GPR137: variants seen among roughly 807,000 people sequenced by gnomAD.
GPR137 encodes G protein-coupled receptor 137.
GPR137 carries 20 observed loss-of-function variants against 38.9 expected under a neutral mutation model. The observed-to-expected ratio is 0.51, with a 90% confidence interval of 0.36 to 0.75. The LOEUF is 0.75. Among genes scored for constraint, GPR137 ranks in the 30% least tolerant of loss-of-function variants. The pLI is 0.00. For missense variants in GPR137, 456 were observed against 526.4 expected, an observed-to-expected ratio of 0.87 and a Z score of 1.31; for synonymous variants, 226 against 235.8, an observed-to-expected ratio of 0.96 and a Z score of 0.38.
At chr11:64,276,900 G>T (rs1431281023) in intron 2 of GPR137, 1 of 758,718 alleles carries the variant, frequency 1.3e-6, no homozygotes, top group Non-Finnish European at 2.5e-6. Flanking sequence ...CCCCAGCATG[G>T]CACCTCTAGC....
upstream of GPR137, chr11:64,285,608 G>A (rs1225283831): frequency 1.0e-5 from 10 of 984,082 alleles, no homozygotes; most frequent in African/African-American, 3.5e-5. Flanking sequence ...CCCCATACAA[G>A]TAAAGGCGGG....
upstream of GPR137, chr11:64,284,687 G>T (rs28417526): frequency 1.3e-6 from 2 of 1,535,618 alleles, no homozygotes; most frequent in Middle Eastern, 1.7e-4. Context: ...CCAGCACCCC[G>T]GGCTCCGGGC....
Position 64,288,986 on chromosome 11 carries a change from G to T in GPR137, c.1032-51G>T, listed in dbSNP as rs1480554381. On this transcript the variant is annotated intron_variant, in intron 6 of 6. Transcript: ENST00000438980. This position sits in a 1 kb window ranked among gnomAD's most constrained non-coding sequence, Gnocchi z 5.5. ...CCTGTCTTCCTCCTGCAGCTCTTGT[G>T]ACTGTGGCCCTGGTCACTGTCCTGA... 1.4e-6 allele frequency: 2 copies of T among 1,472,562 alleles called. No individual in the cohort carries two copies. Among genetic ancestry groups the T allele is most frequent in the African/African-American group, 1.4e-5 (1 of 71,282 alleles). 91.2% of individuals were successfully genotyped at this position (1,472,562 alleles called of 1,614,324 possible).
At chr11:64,282,751 C>T (rs770361070), upstream of GPR137, among the ~76,000 whole-genome samples, 8 of 151,996 alleles carry the variant, frequency 5.3e-5, no homozygotes, top group Non-Finnish European at 7.4e-5. Flanking sequence ...TGGTGACACG[C>T]GCCTGTAGTC....
chr11:64,284,958 C>G, upstream of GPR137: 1 of 1,394,596 alleles, frequency 7.2e-7, no homozygotes, highest in African/African-American at 1.5e-5. Context: ...CCACTTCTGC[C>G]AACAAGTCCT....
chr11:64,286,220 A>C lies in GPR137; in HGVS notation c.-305A>C, dbSNP rs1319914739. On this transcript the variant is annotated 5_prime_UTR_variant, in exon 1 of 7. Coordinates refer to ENST00000438980, the MANE Select transcript of GPR137 (RefSeq NM_001170880.2). Reference sequence around the variant, plus strand: ...TCTCCTTGGGCCTCTGCATCCCCCCATCCTTGGCTCTGGGGTAGGCCCAGG... The same window carrying C: ...TCTCCTTGGGCCTCTGCATCCCCCCCTCCTTGGCTCTGGGGTAGGCCCAGG... 11 of 1,174,476 alleles carry C rather than the reference A, an allele frequency of 9.4e-6. No individual in the cohort carries two copies. Among genetic ancestry groups the C allele is most frequent in the Non-Finnish European group, 1.2e-5 (11 of 948,518 alleles). The allele number at this position is 1,174,476 out of a possible 1,614,324, so 72.8% of individuals were successfully genotyped here.
chr11:64,287,686 G>C (rs201762023), intron 2 of GPR137, 35 bp from the exon 3 acceptor site: 68 of 1,599,442 alleles, frequency 4.3e-5, no homozygotes, highest in Non-Finnish European at 5.5e-5. Context: ...GCTGAGGGCT[G>C]TTGAGGGCCC....
Position 64,289,220 on chromosome 11 carries a change from A to G in GPR137, c.*24A>G. 6.2e-7 allele frequency: 1 copy of G among 1,606,686 alleles called. No individual in the cohort carries two copies. The highest frequency in any genetic ancestry group is 1.3e-5 in the African/African-American group (1 of 74,344). ...GATCCCCCTCCCTCCCCCACAGAAT[A>G]CCCAGGCCCCAGTCCCCCTCACCCT... On this transcript the variant is annotated 3_prime_UTR_variant, in exon 7 of 7. Coordinates refer to ENST00000438980, the MANE Select transcript of GPR137 (RefSeq NM_001170880.2).
At chr11:64,284,622 A>C (rs1285111691), upstream of GPR137, 2 of 1,511,940 alleles carry the variant, frequency 1.3e-6, no homozygotes, top group African/African-American at 2.8e-5. Flanking sequence ...GACGGCGCAC[A>C]GGTCTCACCC....
At chr11:64,284,987 A>T (rs112420981), upstream of GPR137, 16,482 of 1,334,248 alleles carry the variant, frequency 0.012, 138 homozygotes, top group Non-Finnish European at 0.013. Flanking sequence ...TCTGGGCCTT[A>T]GTTTCCCCCC....
chr11:64,278,683 T>C (rs1452433000), intron 2 of GPR137, among the ~76,000 whole-genome samples: 1 of 152,192 alleles, frequency 6.6e-6, no homozygotes, highest in Non-Finnish European at 1.5e-5. Context: ...GCTGCTTCTT[T>C]CTGCCTCTCC....
chr11:64,288,281 C>T lies in GPR137; in HGVS notation c.784-59C>T, dbSNP rs1012671746. Reference sequence around the variant, plus strand: ...ACCTTGGCCCCAGCTGGCCTGGGCCCTGTCCCACTACCCCTTTGGCGTGAC... The same window carrying T: ...ACCTTGGCCCCAGCTGGCCTGGGCCTTGTCCCACTACCCCTTTGGCGTGAC... On this transcript the variant is annotated intron_variant, in intron 4 of 6. Transcript: ENST00000438980. The surrounding 1 kb of genome is among the most constrained non-coding windows in gnomAD (Gnocchi z 5.5). 4.3e-6 allele frequency: 7 copies of T among 1,611,634 alleles called. No homozygotes were observed. In the South Asian group the frequency reaches 7.7e-5, roughly 18 times the overall value.
At chr11:64,275,932 C>T (rs2033024583) in intron 1 of GPR137, among the ~76,000 whole-genome samples, 2 of 152,080 alleles carry the variant, frequency 1.3e-5, no homozygotes, top group Admixed American at 6.6e-5. Flanking sequence ...TGCCATTTTA[C>T]AGAGGAAGAA....
upstream of GPR137, chr11:64,284,820 G>C (rs968884764): frequency 1.3e-6 from 2 of 1,526,066 alleles, no homozygotes; most frequent in Admixed American, 4.1e-5. Context: ...CGGATCCAAG[G>C]CTCCTCGTCC....
Position 64,287,804 on chromosome 11 carries a change from G to T in GPR137, c.491G>T (p.Arg164Leu). 1 of 1,607,036 alleles carries T rather than the reference G, an allele frequency of 6.2e-7. No homozygotes were observed. ...CTGTGTGCTGTGCTCTCCCATCGGC[G>T]CCGGGCACAGCCCTGGGCCCTGCTG... ...NVLCAVLSHR[R>L]RAQPWALLLV... Residue 164 changes from arginine (R) to leucine (L), a missense_variant, in exon 3 of 7, where the codon CGC becomes CTC. Transcript: ENST00000438980.
upstream of GPR137, among the ~76,000 whole-genome samples, chr11:64,273,081 AAAG>A (rs1279428526): frequency 3.3e-5 from 5 of 152,122 alleles, no homozygotes; most frequent in African/African-American, 1.2e-4. Flanking sequence ...AAAATTAATA[AAAG>A]AAGGCCAGAC....
upstream of GPR137, among the ~76,000 whole-genome samples, chr11:64,279,521 T>C (rs952228532): frequency 1.1e-4 from 17 of 150,432 alleles, no homozygotes; most frequent in Non-Finnish European, 1.9e-4. Context: ...AATCCCAGCA[T>C]TTTGGGAGGC....
rs1015829919 is a variant in GPR137, at chr11:64,286,575, G to C, written c.51G>C (p.Ala17=). The change falls in exon 1 of 7, where the codon GCG becomes GCC. Residue 17 remains alanine (A), a synonymous_variant. Transcript: ENST00000438980. ...GLVPAAGLVP[A]LPPAVTLGLT... Reference sequence around the variant, plus strand: ...TGCCTGCTGCCGGGCTGGTGCCTGCGCTGCCACCTGCTGTGACCCTGGGGC... The same window carrying C: ...TGCCTGCTGCCGGGCTGGTGCCTGCCCTGCCACCTGCTGTGACCCTGGGGC... 2 of 1,613,550 alleles carry C rather than the reference G, an allele frequency of 1.2e-6. No homozygotes were observed. Among genetic ancestry groups the C allele is most frequent in the East Asian group, 4.5e-5 (2 of 44,872 alleles).
chr11:64,273,079 TA>T (rs2032760758), upstream of GPR137, among the ~76,000 whole-genome samples: 1 of 152,102 alleles, frequency 6.6e-6, no homozygotes, highest in African/African-American at 2.4e-5. Context: ...AAAAAATTAA[TA>T]AAAGAAGGCC....
Sources: gnomAD v4.1 joint callset for allele counts (sites outside exome capture counted in the v4.1 genomes callset) on GRCh38, gnomAD v4.1.1 for gene constraint, Gnocchi (gnomAD v3.1) non-coding constraint, MANE v1.5 for transcripts, NCBI Gene and HGNC (gene_info 2026-07-23, HGNC 2026-07-21) for gene names.